TNNI3K: variants seen among roughly 807,000 people sequenced by gnomAD.
TNNI3K encodes the protein TNNI3 interacting kinase.
TNNI3K carries 140 observed loss-of-function variants against 114.5 expected under a neutral mutation model. The observed-to-expected ratio is 1.22, with a 90% confidence interval of 1.07 to 1.41. The LOEUF (loss-of-function observed/expected upper bound fraction) is 1.41. TNNI3K is among the 40% of genes most tolerant of loss of function. The pLI is 0.00. For synonymous variants in TNNI3K, 347 were observed against 347.5 expected (o/e 1.00, Z 0.02); for missense variants, 1,125 against 1,007.6 (o/e 1.12, Z -1.58).
chr1:74,427,371 C>T (rs1665688956), intron 17 of TNNI3K, among the ~76,000 whole-genome samples: 1 of 149,966 alleles, frequency 6.7e-6, no homozygotes, highest in African/African-American at 2.5e-5. Flanking sequence ...CCTTTTCATA[C>T]TTAAATGTAA....
At chr1:74,365,386 T>G (rs1454604298) in intron 11 of TNNI3K, among the ~76,000 whole-genome samples, 1 of 152,096 alleles carries the variant, frequency 6.6e-6, no homozygotes, top group African/African-American at 2.4e-5. Context: ...GAGCATCACC[T>G]GGGACCTTGT....
Position 74,482,834 on chromosome 1 carries a change from C to T in TNNI3K, c.2122-6355C>T, listed in dbSNP as rs116507285. On this transcript the variant is annotated intron_variant, in intron 21 of 24. Transcript: ENST00000326637. ...AAAAGACCAGACTTTCAAAATGAGA[C>T]GCACTTTGATAATAATCTGTTTCAC... Among the ~76,000 whole-genome samples the T allele has an allele frequency of 3.2e-3, 486 of 152,300 alleles. 2 individuals are homozygous for T. The highest frequency in any genetic ancestry group is 0.011 in the African/African-American group (446 of 41,560).
chr1:74,368,683 C>T (rs933617017), intron 13 of TNNI3K, among the ~76,000 whole-genome samples: 1 of 151,702 alleles, frequency 6.6e-6, no homozygotes, highest in African/African-American at 2.4e-5. Context: ...TTCAGCCCTG[C>T]TAACAAGGAG....
In TNNI3K at chr1:74,422,008, T is replaced by A. The variant is rs151218585; in HGVS notation, c.1773-14072T>A. Among the ~76,000 whole-genome samples, 49 of 150,220 alleles carry A rather than the reference T, an allele frequency of 3.3e-4. No individual in the cohort carries two copies. The East Asian group carries it at 7.8e-3, about 24-fold the overall frequency. ...ATTATTATTATTTATTTTAGATTTT[T>A]TCAGCACAATTACTTCTTTTTAGAA... On this transcript the variant is annotated intron_variant, in intron 17 of 24. Transcript: ENST00000326637.
intron 5 of TNNI3K, among the ~76,000 whole-genome samples, chr1:74,281,978 A>T (rs1423993909): frequency 2.0e-5 from 3 of 152,144 alleles, no homozygotes; most frequent in Non-Finnish European, 4.4e-5. Flanking sequence ...TTGAATTATC[A>T]TTGTACTCCT....
At chr1:74,378,594 T>TTTTATATATA (rs1208785898) in intron 17 of TNNI3K, 1 of 77,904 alleles carries the variant, frequency 1.3e-5, no homozygotes, top group African/African-American at 4.4e-5. Context: ...CAGTTTAATT[T>TTTTATATATA]TATATATATA....
In TNNI3K at chr1:74,466,434, C is replaced by T. The variant is rs577016723; in HGVS notation, c.2121+2884C>T. ...TCTCAAGCAAAGAGTTGGGAAATGA[C>T]AAACAGAAATTGGAATATGGCCAAA... On this transcript the variant is annotated intron_variant, in intron 21 of 24. Coordinates refer to ENST00000326637, the MANE Select transcript of TNNI3K (RefSeq NM_015978.3). Among the ~76,000 whole-genome samples, 21 of 151,956 alleles carry T rather than the reference C, an allele frequency of 1.4e-4. No homozygotes were observed. The South Asian group carries it at 4.0e-3, about 29-fold the overall frequency.
intron 2 of TNNI3K, among the ~76,000 whole-genome samples, chr1:74,244,372 C>T (rs1403936502): frequency 6.6e-6 from 1 of 152,088 alleles, no homozygotes; most frequent in Non-Finnish European, 1.5e-5. Flanking sequence ...GGACTCTATA[C>T]TGAGTCACTT....
At chr1:74,465,358 TG>T (rs1246112905) in intron 21 of TNNI3K, among the ~76,000 whole-genome samples, 3 of 152,098 alleles carry the variant, frequency 2.0e-5, no homozygotes, top group Non-Finnish European at 2.9e-5. Context: ...ATACTTGGAG[TG>T]GCCGGTGGGC....
At chr1:74,314,406 GCTTT>G (rs1445638804) in intron 5 of TNNI3K, among the ~76,000 whole-genome samples, 1 of 151,712 alleles carries the variant, frequency 6.6e-6, no homozygotes, top group Non-Finnish European at 1.5e-5. Context: ...AAATAAAGTC[GCTTT>G]CTTTGTTTGT....
intron 4 of TNNI3K, among the ~76,000 whole-genome samples, chr1:74,259,764 C>T (rs1655556853): frequency 1.3e-5 from 2 of 151,982 alleles, no homozygotes; most frequent in Admixed American, 1.3e-4. Context: ...AGAGCAAGAC[C>T]CTGTCTCAAA....
chr1:74,391,041 A>G (rs1465681898), intron 17 of TNNI3K, among the ~76,000 whole-genome samples: 1 of 149,672 alleles, frequency 6.7e-6, no homozygotes, highest in Non-Finnish European at 1.5e-5. Flanking sequence ...ATAAAACTTT[A>G]GCAAAAGCCA....
At chr1:74,324,685 C>A (rs1480942536) in intron 5 of TNNI3K, among the ~76,000 whole-genome samples, 1 of 152,112 alleles carries the variant, frequency 6.6e-6, no homozygotes, top group Non-Finnish European at 1.5e-5. Flanking sequence ...ACTCAACCAG[C>A]ACGTGGGGAG....
chr1:74,393,744 G>A (rs896178380), intron 17 of TNNI3K, among the ~76,000 whole-genome samples: 2 of 152,146 alleles, frequency 1.3e-5, no homozygotes, highest in African/African-American at 2.4e-5. Context: ...GGGGCCCTGA[G>A]GGGAGGCAAG....
rs112529263 is a variant in TNNI3K, at chr1:74,524,399, C to G, written c.2352-15835C>G. Among the ~76,000 whole-genome samples the G allele has an allele frequency of 2.8e-3, 434 of 152,314 alleles. 3 individuals carry two copies. The highest frequency in any genetic ancestry group is 9.7e-3 in the African/African-American group (404 of 41,576). ...ACCTGACACTGTGCGGACTCCAGGG[C>G]TGCTGTGGAGTTTCACTGGCTGTGG... is the stretch of plus-strand genomic sequence containing the variant. On this transcript the variant is annotated intron_variant, in intron 23 of 24. Coordinates refer to ENST00000326637, the MANE Select transcript of TNNI3K (RefSeq NM_015978.3).
At chr1:74,381,306 A>G (rs191582885) in intron 17 of TNNI3K, among the ~76,000 whole-genome samples, 1 of 152,266 alleles carries the variant, frequency 6.6e-6, no homozygotes, top group East Asian at 1.9e-4. Context: ...TTTATTTAAC[A>G]TATCAGTTTT....
chr1:74,482,148 G>A (rs1165194783), intron 21 of TNNI3K, among the ~76,000 whole-genome samples: 1 of 152,132 alleles, frequency 6.6e-6, no homozygotes, highest in East Asian at 1.9e-4. Flanking sequence ...AAGGAGGTTT[G>A]TTTTCATGGG....
chr1:74,247,925 A>T (rs1654684283), intron 2 of TNNI3K, among the ~76,000 whole-genome samples: 1 of 151,608 alleles, frequency 6.6e-6, no homozygotes, highest in Non-Finnish European at 1.5e-5. Flanking sequence ...TGGGTGGTGG[A>T]TGGGACTGGG....
intron 23 of TNNI3K, among the ~76,000 whole-genome samples, chr1:74,508,563 G>A (rs1437907289): frequency 6.6e-6 from 1 of 152,164 alleles, no homozygotes; most frequent in Non-Finnish European, 1.5e-5. Flanking sequence ...TTAAAAAATA[G>A]CCCACAGGCC....
Sources: allele counts gnomAD v4.1 joint callset (sites outside exome capture counted in the v4.1 genomes callset), GRCh38; gene constraint gnomAD v4.1.1; transcripts MANE v1.5; gene names NCBI Gene and HGNC (gene_info 2026-07-23, HGNC 2026-07-21).